The following XPO4 variants were observed in gnomAD, a reference collection of about 807,000 sequenced individuals.
The protein encoded by XPO4 is exportin-4.
XPO4 carries 39 observed loss-of-function variants against 143.0 expected under a neutral mutation model. The observed-to-expected ratio is 0.27, with a 90% CI of 0.21 to 0.36. XPO4 has a LOEUF of 0.36. XPO4 is among the 10% of genes least tolerant of loss of function. XPO4 has a pLI of 1.00. For synonymous variants in XPO4, 439 were observed against 474.0 expected (o/e 0.93, Z 0.96); for missense variants, 907 against 1,348.0 (o/e 0.67, Z 5.12).
At chr13:20,834,631 A>C (rs1306470646) in intron 6 of XPO4, among the ~76,000 whole-genome samples, 1 of 147,272 alleles carries the variant, frequency 6.8e-6, no homozygotes, top group African/African-American at 2.5e-5. Flanking sequence ...ACTATAAAAC[A>C]GTGTTGAAAG....
intron 20 of XPO4, among the ~76,000 whole-genome samples, chr13:20,788,064 T>TG (rs1028227085): frequency 6.6e-6 from 1 of 150,434 alleles, no homozygotes; most frequent in Non-Finnish European, 1.5e-5. Context: ...TTTGTTTTTT[T>TG]TTTTTTTTGA....
Position 20,781,166 on chromosome 13 carries a change from T to C in XPO4, c.*2556A>G, listed in dbSNP as rs1286604122. ...AAAAATATTTTAACAACAGTTTTAA[T>C]AGAAAAAAAATCAACTGACTTGAAT... On this transcript the variant is annotated 3_prime_UTR_variant, in exon 23 of 23. Transcript: ENST00000255305. The C allele has an allele frequency of 3.3e-5, 5 of 152,080 alleles. No individual in the cohort carries two copies. Among genetic ancestry groups the C allele is most frequent in the African/African-American group, 1.2e-4 (5 of 41,404 alleles). The allele number at this position is 152,080 out of a possible 1,614,324, so 9.4% of individuals were successfully genotyped here.
At chr13:20,800,779 A>G (rs1467034689) in intron 14 of XPO4, 52 bp downstream of exon 14, 11 of 1,586,292 alleles carry the variant, frequency 6.9e-6, no homozygotes, top group East Asian at 2.2e-5. Flanking sequence ...TCCTGCTTCT[A>G]TAACTGCTAT....
intron 1 of XPO4, among the ~76,000 whole-genome samples, chr13:20,873,694 A>C (rs2060324860): frequency 6.6e-6 from 1 of 151,974 alleles, no homozygotes; most frequent in Admixed American, 6.6e-5. Context: ...GCAGTGGCAC[A>C]ATCTCGGTTC....
In XPO4 at chr13:20,808,490, T is replaced by C; in HGVS notation, c.1585A>G (p.Asn529Asp). 1 of 1,573,424 alleles carries C rather than the reference T, an allele frequency of 6.4e-7. No individual in the cohort carries two copies. The change falls in exon 12 of 23, where the codon AAC becomes GAC. Residue 529 changes from asparagine to aspartate, a missense_variant. Physicochemically the swap from Asn to Asp is conservative, Grantham distance 23. Coordinates refer to ENST00000255305, the MANE Select transcript of XPO4 (RefSeq NM_022459.5). ...LASPGSSTVD[N>D]KMLDDLYEDI... is the part of the protein sequence containing the mutation. ...TCATAGAGATCATCAAGCATTTTGT[T>C]GTCAACAGTGCTTGAACCCGGTGAA...
intron 7 of XPO4, among the ~76,000 whole-genome samples, chr13:20,825,953 G>A (rs1414812713): frequency 1.3e-5 from 2 of 152,038 alleles, no homozygotes; most frequent in Admixed American, 6.6e-5. Context: ...ATTTTAAATG[G>A]TTCAATCAGA....
chr13:20,807,117 C>G (rs1193522656), intron 13 of XPO4, among the ~76,000 whole-genome samples: 1 of 152,048 alleles, frequency 6.6e-6, no homozygotes, highest in Non-Finnish European at 1.5e-5. Flanking sequence ...ATCTGGTTCC[C>G]TTCATTTAGG....
intron 1 of XPO4, among the ~76,000 whole-genome samples, chr13:20,888,233 AAG>A (rs940938209): frequency 4.6e-5 from 7 of 151,844 alleles, no homozygotes; most frequent in African/African-American, 1.7e-4. Flanking sequence ...AATGATATGG[AAG>A]AGAGAGGCAA....
intron 1 of XPO4, chr13:20,902,113 G>A (rs1250136916): frequency 2.2e-5 from 22 of 985,254 alleles, no homozygotes; most frequent in Non-Finnish European, 2.5e-5. Flanking sequence ...TGGTCTCAAC[G>A]ATTCCCCTCC....
At chr13:20,888,366 G>A (rs550484701) in intron 1 of XPO4, among the ~76,000 whole-genome samples, 4 of 152,102 alleles carry the variant, frequency 2.6e-5, no homozygotes, top group Admixed American at 6.5e-5. Context: ...TGTTTTGTTT[G>A]GGGCAGGGTC....
intron 3 of XPO4, chr13:20,856,318 C>T (rs1387310178): frequency 3.1e-6 from 3 of 968,956 alleles, no homozygotes; most frequent in Non-Finnish European, 3.7e-6. Flanking sequence ...AATTGTAAAA[C>T]ACACACACAC....
intron 1 of XPO4, among the ~76,000 whole-genome samples, chr13:20,878,860 C>T (rs974091623): frequency 2.0e-5 from 3 of 152,140 alleles, no homozygotes; most frequent in African/African-American, 7.2e-5. Flanking sequence ...ATTTATATTA[C>T]TGTATGCATT....
In XPO4 at chr13:20,783,124, A is replaced by C. The variant is rs1194080707; in HGVS notation, c.*598T>G. The C allele has an allele frequency of 6.6e-6, 1 of 152,274 alleles. No individual in the cohort carries two copies. The highest frequency in any genetic ancestry group is 1.5e-5 in the Non-Finnish European group (1 of 68,070). The allele number at this position is 152,274 out of a possible 1,614,324, so 9.4% of individuals were successfully genotyped here. On this transcript the variant is annotated 3_prime_UTR_variant, in exon 23 of 23. Coordinates refer to ENST00000255305, the MANE Select transcript of XPO4 (RefSeq NM_022459.5). ...ATCATCAAAGGGAGGAAAAGCTAGA[A>C]AGCACAAAACCTCTTAAGAGTTTTC...
intron 19 of XPO4, among the ~76,000 whole-genome samples, chr13:20,789,353 C>T (rs2059246421): frequency 6.6e-6 from 1 of 150,972 alleles, no homozygotes; most frequent in South Asian, 2.1e-4. Context: ...AGGACTCATT[C>T]TTCTCGTATG....
intron 1 of XPO4, among the ~76,000 whole-genome samples, chr13:20,869,933 G>A (rs1188388064): frequency 6.6e-6 from 1 of 151,896 alleles, no homozygotes; most frequent in African/African-American, 2.4e-5. Context: ...GTGAAACCCA[G>A]TCTCTACTAA....
chr13:20,813,158 G>A (rs1291627264), intron 9 of XPO4, among the ~76,000 whole-genome samples: 2 of 151,970 alleles, frequency 1.3e-5, no homozygotes, highest in African/African-American at 2.4e-5. Flanking sequence ...AACAGCATGC[G>A]GGAAACCACC....
chr13:20,878,531 GA>G, intron 1 of XPO4, among the ~76,000 whole-genome samples: 2 of 152,114 alleles, frequency 1.3e-5, no homozygotes, highest in Non-Finnish European at 2.9e-5. Flanking sequence ...TACCAACCTA[GA>G]TAAACCCTGA....
In XPO4 at chr13:20,796,259, G is replaced by GAAAA. The variant is rs34352023; in HGVS notation, c.2617-7_2617-4dup. On this transcript the variant is annotated splice_polypyrimidine_tract_variant and splice_region_variant and intron_variant, in intron 17 of 22. Transcript: ENST00000255305. ...TCATATAAGTTCATAGCTTTGGACT[G>GAAAA]AAAAAAAAAAAAATGCACAAATTAT... 3 of 1,232,594 alleles carry GAAAA rather than the reference G, an allele frequency of 2.4e-6. No homozygotes were observed. Among genetic ancestry groups the GAAAA allele is most frequent in the Admixed American group, 2.5e-5 (1 of 39,482 alleles). The allele number at this position is 1,232,594 out of a possible 1,614,324, so 76.4% of individuals were successfully genotyped here. A position where few individuals can be genotyped will look rare whatever the true frequency, so the allele number is the denominator to read the frequency against.
chr13:20,875,103 T>C (rs1216112962), intron 1 of XPO4, among the ~76,000 whole-genome samples: 2 of 152,190 alleles, frequency 1.3e-5, no homozygotes, highest in Non-Finnish European at 2.9e-5. Context: ...AAACGATAGA[T>C]GTACCAACCA....
Sources: allele counts gnomAD v4.1 joint callset (sites outside exome capture counted in the v4.1 genomes callset), GRCh38; gene constraint gnomAD v4.1.1; transcripts MANE v1.5; gene names NCBI Gene and HGNC (gene_info 2026-07-23, HGNC 2026-07-21).